The following MPP2 variants were observed in gnomAD, a reference collection of about 807,000 sequenced individuals.
MPP2 encodes the protein MAGUK p55 subfamily member 2.
MPP2 carries 42 observed loss-of-function variants against 58.5 expected under a neutral mutation model. That is an observed-to-expected ratio of 0.72 (90% CI 0.56 to 0.93). The LOEUF is 0.93. MPP2 is among the 40% of genes least tolerant of loss of function. MPP2 has a pLI of 0.00. For synonymous variants in MPP2, 300 were observed against 307.8 expected, an observed-to-expected ratio of 0.97 and a Z score of 0.26; for missense variants, 632 against 760.4, an observed-to-expected ratio of 0.83 and a Z score of 1.99.
rs1214559303 is a variant in MPP2, at chr17:43,881,298, C to A, written c.865G>T (p.Glu289Ter). 6.2e-7 allele frequency: 1 copy of A among 1,614,010 alleles called. No individual in the cohort carries two copies. Among genetic ancestry groups the A allele is most frequent in the Non-Finnish European group, 8.5e-7 (1 of 1,180,036 alleles). Residue 289 changes from glutamate (E) to a stop codon, truncating the protein, a stop_gained, in exon 8 of 13, where the codon GAG (glutamate) becomes TAG (stop). Transcript: ENST00000269095. LOFTEE classifies it high-confidence loss of function. ...SAGLIPSQLL[E>*]EKRKAFVKRD... is the part of the protein sequence containing the mutation. ...TTGACAAATGCTTTCCGCTTCTCCT[C>A]CAGCAGCTGGCTGGGAATGAGCCCA...
In MPP2 at chr17:43,881,506, G is replaced by T. The variant is rs76420928; in HGVS notation, c.765C>A (p.Ala255=). The change falls in exon 7 of 13, where the codon GCC becomes GCA. Residue 255 remains alanine (A), a synonymous_variant. Transcript: ENST00000269095. ...PCKEAGLRFN[A]GDLLQIVNQD... is the part of the protein sequence containing the mutation. ...GGTTTACGATCTGGAGCAAGTCCCC[G>T]GCGTTGAAGCGCAGGCCTGCTTCCT... 34 of 1,614,056 alleles carry T rather than the reference G, an allele frequency of 2.1e-5. No homozygotes were observed. The South Asian group carries it at 3.7e-4, about 18-fold the overall frequency.
chr17:43,907,935 A>G, upstream of MPP2: 3 of 985,428 alleles, frequency 3.0e-6, no homozygotes, highest in Non-Finnish European at 3.6e-6. Context: ...CCATATTGAG[A>G]AAAAGAATAG....
At chr17:43,895,854 A>G (rs534989422) in intron 3 of MPP2, among the ~76,000 whole-genome samples, 18 of 152,226 alleles carry the variant, frequency 1.2e-4, no homozygotes, top group Admixed American at 1.1e-3. Flanking sequence ...CTGAATGAAA[A>G]GCACCCTGCC....
At chr17:43,892,744 A>C (rs1385699083) in intron 3 of MPP2, among the ~76,000 whole-genome samples, 1 of 152,152 alleles carries the variant, frequency 6.6e-6, no homozygotes, top group Non-Finnish European at 1.5e-5. Flanking sequence ...TCTTGGAAAA[A>C]ATCCTGACCA....
chr17:43,900,854 T>C (rs2048068794), intron 2 of MPP2, among the ~76,000 whole-genome samples: 1 of 152,020 alleles, frequency 6.6e-6, no homozygotes, highest in South Asian at 2.1e-4. Flanking sequence ...AGGAGGCGGC[T>C]AACAGGAAGT....
chr17:43,880,926 G>C lies in MPP2; in HGVS notation c.989-74C>G. On this transcript the variant is annotated intron_variant, in intron 9 of 12. Coordinates refer to ENST00000269095, the MANE Select transcript of MPP2 (RefSeq NM_005374.5). The surrounding 1 kb of genome is among the most constrained non-coding windows in gnomAD (Gnocchi z 5.2). ...GGGCGGAGCTCTCAGGGAGGCTGAGGGCAAGAGGGCTTGGAACAGGGGAGC... is the reference window on the plus strand; with the variant it reads ...GGGCGGAGCTCTCAGGGAGGCTGAGCGCAAGAGGGCTTGGAACAGGGGAGC... 6.4e-7 allele frequency: 1 copy of C among 1,553,674 alleles called. No individual in the cohort carries two copies. Among genetic ancestry groups the C allele is most frequent in the Non-Finnish European group, 8.7e-7 (1 of 1,144,324 alleles).
chr17:43,901,161 T>C (rs2048082094), intron 2 of MPP2: 1 of 673,790 alleles, frequency 1.5e-6, no homozygotes, highest in African/African-American at 2.0e-5. Flanking sequence ...CACTTGGGCA[T>C]GGGGCAAATA....
chr17:43,904,316 C>A, intron 2 of MPP2, 114 bp downstream of exon 2: 1 of 912,216 alleles, frequency 1.1e-6, no homozygotes, highest in South Asian at 1.5e-5. Flanking sequence ...GTAGGGTGGA[C>A]AGCAGTGGAG....
intron 2 of MPP2, 139 bp from the exon 3 acceptor site, chr17:43,898,519 C>CCAGCACAGG: frequency 1.6e-6 from 1 of 621,192 alleles, no homozygotes; most frequent in South Asian, 1.9e-5. Context: ...CCCTCCCTGC[C>CCAGCACAGG]CAGCACAGGC....
rs368504372 is a variant in MPP2 at position 43,880,782 on chromosome 17, C to G, written c.1059G>C (p.Leu353=). Reference sequence around the variant, plus strand: ...CCACGCCCTGAGCCCCAATCAGTACCAGGGTTTTCCGGCGGAACGGGGGCA... The same window carrying G: ...CCACGCCCTGAGCCCCAATCAGTACGAGGGTTTTCCGGCGGAACGGGGGCA... ...ARMPPFRRKT[L]VLIGAQGVGR... is the part of the protein sequence containing the mutation. The change falls in exon 10 of 13, where the codon CTG becomes CTC. Residue 353 remains leucine (L), a synonymous_variant. Transcript: ENST00000269095. This position sits in a 1 kb window ranked among gnomAD's most constrained non-coding sequence, Gnocchi z 5.2. 2 of 1,613,810 alleles carry G rather than the reference C, an allele frequency of 1.2e-6. No individual in the cohort carries two copies. The highest frequency in any genetic ancestry group is 2.7e-5 in the African/African-American group (2 of 74,952).
At chr17:43,881,836 C>T (rs141024802) in intron 6 of MPP2, among the ~76,000 whole-genome samples, 3,782 of 152,196 alleles carry the variant, frequency 0.025, 69 homozygotes, top group Non-Finnish European at 0.037. Flanking sequence ...GACCCTGGCA[C>T]CTAATCCTGG....
chr17:43,901,640 G>A (rs1049130255), intron 2 of MPP2: 11 of 956,024 alleles, frequency 1.2e-5, no homozygotes, highest in East Asian at 2.3e-4. Context: ...AGATTTAAAG[G>A]GACAGCTCCA....
At chr17:43,902,301 C>T (rs2048125123) in intron 2 of MPP2, among the ~76,000 whole-genome samples, 2 of 152,178 alleles carry the variant, frequency 1.3e-5, no homozygotes, top group Admixed American at 6.5e-5. Flanking sequence ...CACCACGCCC[C>T]CATCAAGTGG....
At chr17:43,906,251 G>T (rs1361813117) in intron 1 of MPP2, 60 of 507,398 alleles carry the variant, frequency 1.2e-4, no homozygotes, top group Non-Finnish European at 1.4e-4. Flanking sequence ...CCGGGGAATC[G>T]GTTCCCAGAG....
chr17:43,889,980 T>C (rs2047538601), intron 3 of MPP2, among the ~76,000 whole-genome samples: 1 of 151,586 alleles, frequency 6.6e-6, no homozygotes, highest in African/African-American at 2.4e-5. Flanking sequence ...GCCTGGCTAA[T>C]TTTTTGTAAT....
chr17:43,888,708 G>C (rs2047473072), intron 3 of MPP2, among the ~76,000 whole-genome samples: 1 of 152,108 alleles, frequency 6.6e-6, no homozygotes, highest in African/African-American at 2.4e-5. Context: ...GTGTGATCAA[G>C]GGGGAAGCCA....
In MPP2 at chr17:43,877,951, G is replaced by A. The variant is rs749560367; in HGVS notation, c.1515C>T (p.Ser505=). 1 of 1,613,876 alleles carries A rather than the reference G, an allele frequency of 6.2e-7. No homozygotes were observed. The highest frequency in any genetic ancestry group is 8.5e-7 in the Non-Finnish European group (1 of 1,179,920). ...GCCCGTAGCCCCGCTGGATGCGGCT[G>A]CTCTCCTCCACTGTCCGTCTCAGGT... ...EADLRRTVEE[S]SRIQRGYGHY... The change falls in exon 13 of 13, where the codon AGC becomes AGT. Residue 505 remains serine (S), a synonymous_variant. Coordinates refer to ENST00000269095, the MANE Select transcript of MPP2 (RefSeq NM_005374.5).
Position 43,877,887 on chromosome 17 carries a change from T to G in MPP2, c.1579A>C (p.Arg527=), listed in dbSNP as rs2046915133. 1 of 1,614,040 alleles carries G rather than the reference T, an allele frequency of 6.2e-7. No individual in the cohort carries two copies. Among genetic ancestry groups the G allele is most frequent in the Non-Finnish European group, 8.5e-7 (1 of 1,179,942 alleles). Residue 527 remains arginine (R), a synonymous_variant, in exon 13 of 13, where the codon AGG becomes CGG. Coordinates refer to ENST00000269095, the MANE Select transcript of MPP2 (RefSeq NM_005374.5). ...DLCLVNSNLE[R]TFRELQTAME... ...GCTGTCTGGAGCTCGCGGAAGGTCC[T>G]CTCCAGGTTGCTATTGACCAGGCAG... is the stretch of plus-strand genomic sequence containing the variant.
In MPP2 at chr17:43,879,831, C is replaced by T. The variant is rs770137578; in HGVS notation, c.1304G>A (p.Arg435Gln). 3.1e-6 allele frequency: 5 copies of T among 1,613,932 alleles called. 1 individual carries two copies. The South Asian group carries it at 4.4e-5, about 14-fold the overall frequency. Reference protein sequence around the residue: ...NLYGTRIDSIRGVVAAGKVCV... With the variant: ...NLYGTRIDSIQGVVAAGKVCV... Reference sequence around the variant, plus strand: ...CACCTTCCCAGCAGCGACCACGCCCCGGATGGAGTCAATACGTGTGCCATA... The same window carrying T: ...CACCTTCCCAGCAGCGACCACGCCCTGGATGGAGTCAATACGTGTGCCATA... The change falls in exon 11 of 13, where the codon CGG becomes CAG. Residue 435 changes from arginine (R) to glutamine (Q), a missense_variant. Transcript: ENST00000269095. This position sits in a 1 kb window ranked among gnomAD's most constrained non-coding sequence, Gnocchi z 4.1.
Sources: allele counts gnomAD v4.1 joint callset (sites outside exome capture counted in the v4.1 genomes callset), GRCh38; gene constraint gnomAD v4.1.1; non-coding constraint Gnocchi (gnomAD v3.1); transcripts MANE v1.5; gene names NCBI Gene and HGNC (gene_info 2026-07-23, HGNC 2026-07-21).